GORASP2: variants seen among roughly 807,000 people sequenced by gnomAD.
GORASP2 encodes golgi reassembly stacking protein 2, also known as Golgi reassembly-stacking protein 2.
GORASP2 carries 22 observed loss-of-function variants against 45.7 expected under a neutral mutation model. That is an observed-to-expected ratio of 0.48 (90% CI 0.34 to 0.69). The LOEUF is 0.69. GORASP2 is among the 30% of genes least tolerant of loss of function. The pLI, the probability that GORASP2 is intolerant of heterozygous loss-of-function variation, is 0.01. For synonymous variants in GORASP2, 221 were observed against 215.6 expected (o/e 1.02, Z -0.22); for missense variants, 491 against 562.7 (o/e 0.87, Z 1.29).
At chr2:170,931,851 T>C (rs373648910) in intron 1 of GORASP2, among the ~76,000 whole-genome samples, 2 of 152,252 alleles carry the variant, frequency 1.3e-5, no homozygotes, top group Admixed American at 1.3e-4. Context: ...TCATATTGTG[T>C]ACCCAACTTC....
chr2:170,965,642 C>T (rs1330184248), intron 9 of GORASP2, 148 bp from the exon 10 acceptor site: 2 of 641,356 alleles, frequency 3.1e-6, no homozygotes, highest in Non-Finnish European at 5.5e-6. Context: ...GCCAGGGCCT[C>T]TATCTGGAAA....
intron 1 of GORASP2, among the ~76,000 whole-genome samples, chr2:170,945,359 C>T (rs551464427): frequency 6.6e-6 from 1 of 151,742 alleles, no homozygotes; most frequent in Non-Finnish European, 1.5e-5. Context: ...AAATCAGCTG[C>T]GTGTGGTGGT....
rs772227999 is a variant in GORASP2, at chr2:170,962,901, C to A, written c.973C>A (p.Pro325Thr). 1 of 1,614,038 alleles carries A rather than the reference C, an allele frequency of 6.2e-7. No individual in the cohort carries two copies. Among genetic ancestry groups the A allele is most frequent in the East Asian group, 2.2e-5 (1 of 44,882 alleles). The change falls in exon 9 of 10, where the codon CCA becomes ACA. Residue 325 changes from proline to threonine, a missense_variant. Around this residue, in one of 2 missense-constraint regions of GORASP2, gnomAD observed 297 missense variants for 292.3 expected, o/e 1.02. Transcript: ENST00000234160. ...LPNLNLNLPA[P>T]HIMPGVGLPE... ...CAACCTCAACCTCAACCTCCCAGCA[C>A]CACACATCATGCCAGGGGTTGGCTT... is the stretch of plus-strand genomic sequence containing the variant.
At chr2:170,940,695 G>A (rs982627695) in intron 1 of GORASP2, among the ~76,000 whole-genome samples, 4 of 150,676 alleles carry the variant, frequency 2.7e-5, no homozygotes, top group Non-Finnish European at 3.0e-5. Context: ...ACGGTATCTT[G>A]TAGGACAGCT....
At chr2:170,935,994 G>C (rs1703941966) in intron 1 of GORASP2, among the ~76,000 whole-genome samples, 1 of 152,168 alleles carries the variant, frequency 6.6e-6, no homozygotes, top group Non-Finnish European at 1.5e-5. Flanking sequence ...GTAAGTAGTA[G>C]AGTGTACAAC....
intron 1 of GORASP2, 163 bp downstream of exon 1, chr2:170,929,566 C>T (rs1014522907): frequency 2.2e-5 from 13 of 604,382 alleles, no homozygotes; most frequent in Non-Finnish European, 3.6e-5. Context: ...CCGGAGGCCG[C>T]TCGCATCCCA....
intron 2 of GORASP2, chr2:170,948,827 A>G (rs1249696398): frequency 6.3e-6 from 1 of 158,122 alleles, no homozygotes; most frequent in Non-Finnish European, 1.4e-5. Flanking sequence ...GTTTCACAAT[A>G]TATGAATAAT....
intron 1 of GORASP2, among the ~76,000 whole-genome samples, chr2:170,935,888 C>A (rs542164159): frequency 6.6e-6 from 1 of 152,196 alleles, no homozygotes; most frequent in Admixed American, 6.5e-5. Context: ...TATATGCTTT[C>A]GTACTTATGT....
At chr2:170,954,532 G>A (rs1704376206) in intron 5 of GORASP2, 118 bp from the exon 6 acceptor site, 1 of 687,346 alleles carries the variant, frequency 1.5e-6, no homozygotes, top group Non-Finnish European at 2.5e-6. Flanking sequence ...AGAAGGGAGT[G>A]CATGTTCAGG....
chr2:170,948,666 T>A (rs1704230919), intron 2 of GORASP2: 1 of 281,238 alleles, frequency 3.6e-6, no homozygotes, highest in Non-Finnish European at 6.5e-6. Context: ...ATGTTAAATA[T>A]TTAATTTTTA....
intron 1 of GORASP2, among the ~76,000 whole-genome samples, chr2:170,941,096 G>A (rs1203371223): frequency 6.6e-6 from 1 of 152,030 alleles, no homozygotes. Flanking sequence ...CTTGTTTATT[G>A]CAGCCGTTTT....
intron 1 of GORASP2, among the ~76,000 whole-genome samples, chr2:170,943,737 A>G (rs1704125743): frequency 6.6e-6 from 1 of 152,164 alleles, no homozygotes; most frequent in African/African-American, 2.4e-5. Context: ...CAGTGGCGTG[A>G]TCCTGACTCA....
intron 1 of GORASP2, among the ~76,000 whole-genome samples, chr2:170,941,097 C>T (rs1026763096): frequency 6.6e-6 from 1 of 152,072 alleles, no homozygotes; most frequent in Non-Finnish European, 1.5e-5. Context: ...TTGTTTATTG[C>T]AGCCGTTTTT....
At chr2:170,960,984 A>G (rs1366233963) in intron 7 of GORASP2, among the ~76,000 whole-genome samples, 1 of 152,226 alleles carries the variant, frequency 6.6e-6, no homozygotes, top group Non-Finnish European at 1.5e-5. Flanking sequence ...CGACATCAGC[A>G]AAACGTCCCA....
At chr2:170,959,258 G>A (rs1330292539) in intron 7 of GORASP2, among the ~76,000 whole-genome samples, 11 of 152,190 alleles carry the variant, frequency 7.2e-5, no homozygotes, top group African/African-American at 2.2e-4. Context: ...CATCGTGCCC[G>A]GCCCCAGATG....
intron 1 of GORASP2, among the ~76,000 whole-genome samples, chr2:170,937,213 A>C (rs574132220): frequency 6.6e-6 from 1 of 152,224 alleles, no homozygotes; most frequent in East Asian, 1.9e-4. Flanking sequence ...ATCACAAAAA[A>C]AAAAAAATTT....
chr2:170,938,337 AC>A (rs1440544453), intron 1 of GORASP2, among the ~76,000 whole-genome samples: 1 of 152,206 alleles, frequency 6.6e-6, no homozygotes, highest in Non-Finnish European at 1.5e-5. Flanking sequence ...AGCAACAGTT[AC>A]TTTTTGTCTG....
chr2:170,931,466 T>A (rs573658387), intron 1 of GORASP2, among the ~76,000 whole-genome samples: 1 of 152,360 alleles, frequency 6.6e-6, no homozygotes, highest in African/African-American at 2.4e-5. Context: ...ACCAAGCTTG[T>A]AAACTGGAGT....
At chr2:170,964,892 ATTTTTTT>A (rs1199571345) in intron 9 of GORASP2, among the ~76,000 whole-genome samples, 5 of 64,704 alleles carry the variant, frequency 7.7e-5, no homozygotes, top group African/African-American at 1.1e-4. Context: ...ATGCATTTTA[ATTTTTTT>A]TTTTTTTTTT....
Sources: gnomAD v4.1 joint callset for allele counts (sites outside exome capture counted in the v4.1 genomes callset) on GRCh38, gnomAD v4.1.1 for gene constraint, gnomAD v4.1.1 regional missense constraint, MANE v1.5 for transcripts, NCBI Gene and HGNC (gene_info 2026-07-23, HGNC 2026-07-21) for gene names.